NFATC2: variants seen among roughly 807,000 people sequenced by gnomAD.
NFATC2 encodes the protein nuclear factor of activated T cells 2, also known as nuclear factor of activated T-cells, cytoplasmic 2.
Under a neutral mutation model 87.3 loss-of-function variants are expected in NFATC2, and 22 were observed. The observed-to-expected ratio is 0.25, with a 90% CI of 0.18 to 0.36. NFATC2 has a LOEUF of 0.36. Among genes scored for constraint, NFATC2 ranks in the 10% least tolerant of loss-of-function variants. The pLI, the probability that NFATC2 is intolerant of heterozygous loss-of-function variation, is 1.00. For missense variants in NFATC2, 1,149 were observed against 1,259.1 expected (o/e 0.91, Z 1.32); for synonymous variants, 565 against 542.2 (o/e 1.04, Z -0.58).
intron 2 of NFATC2, among the ~76,000 whole-genome samples, chr20:51,520,430 G>T (rs1263301007): frequency 7.3e-6 from 1 of 137,894 alleles, no homozygotes; most frequent in Non-Finnish European, 1.6e-5. Context: ...TCTTGATCAG[G>T]ATTTTCTTTT....
At chr20:51,476,754 G>A (rs887230531) in intron 3 of NFATC2, among the ~76,000 whole-genome samples, 4 of 152,272 alleles carry the variant, frequency 2.6e-5, no homozygotes, top group Middle Eastern at 6.8e-3. Context: ...CAGAAAAAAA[G>A]TGAGTAAGAT....
chr20:51,397,033 G>GTAGCGTAGGTGGGATTACA (rs71192525), intron 10 of NFATC2, among the ~76,000 whole-genome samples: 1 of 151,580 alleles, frequency 6.6e-6, no homozygotes, highest in African/African-American at 2.4e-5. Context: ...AACCTCCTAA[G>GTAGCGTAGGTGGGATTACA]GGAACCTGCC....
At chr20:51,394,879 C>G (rs1036767878) in intron 10 of NFATC2, among the ~76,000 whole-genome samples, 2 of 152,246 alleles carry the variant, frequency 1.3e-5, no homozygotes, top group African/African-American at 4.8e-5. Context: ...TTCCTGGAAG[C>G]CGCCCCACAT....
At chr20:51,514,399 G>A (rs2076318981) in intron 3 of NFATC2, among the ~76,000 whole-genome samples, 1 of 152,248 alleles carries the variant, frequency 6.6e-6, no homozygotes, top group Non-Finnish European at 1.5e-5. Flanking sequence ...TATGTTTGTG[G>A]CAGCAAACTG....
chr20:51,509,191 A>G (rs989172623), intron 3 of NFATC2, among the ~76,000 whole-genome samples: 9 of 150,814 alleles, frequency 6.0e-5, no homozygotes, highest in African/African-American at 2.2e-4. Flanking sequence ...CCATCAAACC[A>G]CTCCCAATTC....
At chr20:51,412,582 G>A (rs1979406126) in intron 9 of NFATC2, among the ~76,000 whole-genome samples, 1 of 152,164 alleles carries the variant, frequency 6.6e-6, no homozygotes, top group South Asian at 2.1e-4. Flanking sequence ...GCAGGAGGGA[G>A]GCCCCGCTGG....
At chr20:51,504,999 C>CTTTTTTTTT (rs34489487) in intron 3 of NFATC2, among the ~76,000 whole-genome samples, 11 of 72,504 alleles carry the variant, frequency 1.5e-4, no homozygotes, top group African/African-American at 5.1e-4. Flanking sequence ...TATCTAGTTC[C>CTTTTTTTTT]TTTTTTTTTT....
intron 3 of NFATC2, among the ~76,000 whole-genome samples, chr20:51,481,458 C>T (rs1340132826): frequency 6.6e-6 from 1 of 152,078 alleles, no homozygotes; most frequent in African/African-American, 2.4e-5. Flanking sequence ...ACTGGCCTCC[C>T]GAGCAAAGGA....
intron 5 of NFATC2, 58 bp from the exon 6 acceptor site, chr20:51,454,746 G>T: frequency 1.3e-6 from 2 of 1,588,472 alleles, no homozygotes; most frequent in Non-Finnish European, 8.6e-7. Context: ...TTCAAAAGAG[G>T]AGGTCTGATT....
chr20:51,492,888 C>T (rs2075920074), intron 3 of NFATC2, among the ~76,000 whole-genome samples: 1 of 152,262 alleles, frequency 6.6e-6, no homozygotes, highest in South Asian at 2.1e-4. Flanking sequence ...TTCATGTCGC[C>T]CTGGGTTCCT....
chr20:51,451,141 C>T (rs957674010), intron 6 of NFATC2, among the ~76,000 whole-genome samples: 1 of 152,174 alleles, frequency 6.6e-6, no homozygotes, highest in African/African-American at 2.4e-5. Context: ...ATCAGCCCCT[C>T]AAGGCAAAGC....
intron 10 of NFATC2, 145 bp downstream of exon 10, chr20:51,398,498 G>A (rs1987565518): frequency 1.8e-6 from 1 of 559,638 alleles, no homozygotes; most frequent in Non-Finnish European, 3.1e-6. Context: ...AGGAGTGGAG[G>A]GGTCTAGCCC....
At chr20:51,442,706 T>G (rs1258677924) in intron 6 of NFATC2, among the ~76,000 whole-genome samples, 3 of 107,740 alleles carry the variant, frequency 2.8e-5, no homozygotes, top group Non-Finnish European at 4.1e-5. Flanking sequence ...AAATAAAGTT[T>G]GTTTTTTTTT....
intron 3 of NFATC2, among the ~76,000 whole-genome samples, chr20:51,508,286 C>G (rs563131106): frequency 6.6e-6 from 1 of 152,036 alleles, no homozygotes. Context: ...GCGCCAGCCC[C>G]GACCCTGGCG....
rs1435665824 is a variant in NFATC2 at position 51,435,687 on chromosome 20, A to G, written c.1905+19T>C. On this transcript the variant is annotated intron_variant, in intron 7 of 10. Transcript: ENST00000371564. ...ACGTGAGGGGGATTGAGAGACACTC[A>G]GGTGCGTCACGTGCTTACGGGCTGG... is the stretch of plus-strand genomic sequence containing the variant. 2 of 1,605,214 alleles carry G rather than the reference A, an allele frequency of 1.2e-6. No individual in the cohort carries two copies. The highest frequency in any genetic ancestry group is 2.7e-5 in the African/African-American group (2 of 74,864).
intron 5 of NFATC2, among the ~76,000 whole-genome samples, chr20:51,472,814 T>C (rs184280836): frequency 1.6e-4 from 24 of 152,150 alleles, no homozygotes; most frequent in African/African-American, 5.8e-4. Context: ...TTTGTATTTT[T>C]AGTAGAGATG....
At chr20:51,487,655 G>A (rs1396528702) in intron 3 of NFATC2, among the ~76,000 whole-genome samples, 1 of 152,166 alleles carries the variant, frequency 6.6e-6, no homozygotes, top group Non-Finnish European at 1.5e-5. Flanking sequence ...GCAAAAGCTA[G>A]GGCTGAGGAA....
chr20:51,544,772 T>C (rs1029434240), upstream of NFATC2, among the ~76,000 whole-genome samples: 11 of 152,202 alleles, frequency 7.2e-5, no homozygotes, highest in Admixed American at 5.9e-4. Context: ...GGTTGGGACT[T>C]AGGCATCAGT....
At chr20:51,409,381 G>T (rs1280735557) in intron 9 of NFATC2, among the ~76,000 whole-genome samples, 1 of 152,194 alleles carries the variant, frequency 6.6e-6, no homozygotes, top group Non-Finnish European at 1.5e-5. Flanking sequence ...CTTTACAATG[G>T]AATATTATGC....
Sources: allele counts gnomAD v4.1 joint callset (sites outside exome capture counted in the v4.1 genomes callset), GRCh38; gene constraint gnomAD v4.1.1; transcripts MANE v1.5; gene names NCBI Gene and HGNC (gene_info 2026-07-23, HGNC 2026-07-21).